BTG4: variants seen among roughly 807,000 people sequenced by gnomAD.
BTG4 encodes BTG anti-proliferation factor 4, also known as protein BTG4.
A neutral mutation model predicts 19.3 loss-of-function variants in BTG4; 10 were observed. The ratio of observed to expected loss-of-function variants is 0.52; its 90% CI spans 0.32 to 0.88. The LOEUF is 0.88. Ranked by LOEUF, BTG4 falls within the 40% of genes least tolerant of loss-of-function variation. The probability of loss-of-function intolerance (pLI) is 0.04; values close to 1 mark genes in which losing one functional copy is unlikely to be tolerated. For missense variants in BTG4, 238 were observed against 281.9 expected (o/e 0.84, Z 1.11); for synonymous variants, 91 against 95.7 (o/e 0.95, Z 0.29).
At chr11:111,412,652 C>T in the BTG4 span, among the ~76,000 whole-genome samples, 9 of 152,248 alleles carry the variant, frequency 5.9e-5, no homozygotes, top group African/African-American at 1.7e-4. Flanking sequence ...AACAGTCTTA[C>T]GAGGTTGGTA....
At chr11:111,429,545 A>G in the BTG4 span, among the ~76,000 whole-genome samples, 1 of 152,228 alleles carries the variant, frequency 6.6e-6, no homozygotes, top group East Asian at 1.9e-4. Flanking sequence ...ATAATTGGTA[A>G]ACAGATAAGG....
chr11:111,494,318 G>A (rs1865591262), downstream of BTG4, among the ~76,000 whole-genome samples: 1 of 152,174 alleles, frequency 6.6e-6, no homozygotes, highest in Non-Finnish European at 1.5e-5. Flanking sequence ...AGAACAAACA[G>A]CATGAGTAGG....
the BTG4 span, among the ~76,000 whole-genome samples, chr11:111,394,442 C>A: frequency 6.6e-6 from 1 of 152,176 alleles, no homozygotes; most frequent in Admixed American, 6.5e-5. Flanking sequence ...TAAGGGGAAA[C>A]CCCTTTTGCT....
chr11:111,495,042 T>C lies in BTG4; in HGVS notation c.*93A>G. On this transcript the variant is annotated 3_prime_UTR_variant, in exon 5 of 5. Coordinates refer to ENST00000692032, the MANE Select transcript of BTG4 (RefSeq NM_001367975.1). ...AGTCCCTAATATGGTCATTTTTTGT[T>C]TCATGGGCCTCTCAACCTTAAATTC... 7.3e-7 allele frequency: 1 copy of C among 1,373,764 alleles called. No individual in the cohort carries two copies. Among genetic ancestry groups the C allele is most frequent in the Non-Finnish European group, 9.4e-7 (1 of 1,065,816 alleles). The allele number at this position is 1,373,764 out of a possible 1,614,324, so 85.1% of individuals were successfully genotyped here.
intron 4 of BTG4, among the ~76,000 whole-genome samples, chr11:111,495,691 G>A (rs1275903458): frequency 6.6e-6 from 1 of 152,090 alleles, no homozygotes; most frequent in Non-Finnish European, 1.5e-5. Flanking sequence ...GGATACAGAT[G>A]TTTTACAGAT....
chr11:111,402,380 T>A, the BTG4 span, among the ~76,000 whole-genome samples: 1 of 152,232 alleles, frequency 6.6e-6, no homozygotes, highest in African/African-American at 2.4e-5. Context: ...TTATTACATG[T>A]TATTTTGTAT....
intron 5 of BTG4, among the ~76,000 whole-genome samples, chr11:111,489,323 C>A (rs1565457873): frequency 6.6e-6 from 1 of 152,170 alleles, no homozygotes; most frequent in Admixed American, 6.5e-5. Flanking sequence ...AACCCTCATA[C>A]ACCATTGGTG....
the BTG4 span, among the ~76,000 whole-genome samples, chr11:111,424,298 G>C: frequency 6.6e-6 from 1 of 152,192 alleles, no homozygotes; most frequent in Non-Finnish European, 1.5e-5. Context: ...AACTAGCCTG[G>C]GCTCTAGAGC....
the BTG4 span, among the ~76,000 whole-genome samples, chr11:111,405,290 A>C: frequency 1.1e-4 from 16 of 151,262 alleles, no homozygotes; most frequent in African/African-American, 3.9e-4. Context: ...TATAATCCCA[A>C]CTACTTGGGA....
intron 1 of BTG4, among the ~76,000 whole-genome samples, chr11:111,509,649 T>C (rs1040045037): frequency 4.6e-5 from 7 of 150,966 alleles, no homozygotes; most frequent in Non-Finnish European, 1.0e-4. Flanking sequence ...TGAGCCAAGA[T>C]CACGTCACTG....
chr11:111,387,521 C>T, the BTG4 span, among the ~76,000 whole-genome samples: 3 of 152,230 alleles, frequency 2.0e-5, no homozygotes, highest in Admixed American at 2.0e-4. Context: ...CTGTGTGTGA[C>T]AGCCTGGCCT....
At chr11:111,437,827 G>A in the BTG4 span, among the ~76,000 whole-genome samples, 1 of 152,166 alleles carries the variant, frequency 6.6e-6, no homozygotes, top group African/African-American at 2.4e-5. Flanking sequence ...TAGCTACTCA[G>A]CCTTCCTGGG....
chr11:111,501,849 C>A (rs1866103763), intron 1 of BTG4, among the ~76,000 whole-genome samples: 1 of 152,110 alleles, frequency 6.6e-6, no homozygotes, highest in Non-Finnish European at 1.5e-5. Context: ...GGTGGCTGAG[C>A]ATCTTGATAT....
chr11:111,413,619 C>T, the BTG4 span, among the ~76,000 whole-genome samples: 1 of 152,238 alleles, frequency 6.6e-6, no homozygotes, highest in African/African-American at 2.4e-5. Context: ...AACCAATTAC[C>T]TTCCATTCCA....
chr11:111,417,327 CCT>C, the BTG4 span: 1 of 152,356 alleles, frequency 6.6e-6, no homozygotes, highest in African/African-American at 2.4e-5. Context: ...CTTCCTGTCC[CCT>C]CTTTGCTGAT....
At chr11:111,455,172 T>G in the BTG4 span, 1 of 426,124 alleles carries the variant, frequency 2.3e-6, no homozygotes. Context: ...CTCCCTCCCT[T>G]AGCACCTCCC....
chr11:111,503,831 C>T (rs944936429), intron 1 of BTG4, among the ~76,000 whole-genome samples: 4 of 151,986 alleles, frequency 2.6e-5, no homozygotes, highest in Non-Finnish European at 5.9e-5. Flanking sequence ...AACTTGATGG[C>T]TAAGGAATAG....
At chr11:111,505,797 T>C (rs941743305) in intron 1 of BTG4, among the ~76,000 whole-genome samples, 4 of 151,910 alleles carry the variant, frequency 2.6e-5, no homozygotes, top group Middle Eastern at 3.4e-3. Flanking sequence ...AACAAACCAA[T>C]TGAAAATGGG....
the BTG4 span, among the ~76,000 whole-genome samples, chr11:111,384,308 C>A: frequency 2.8e-4 from 42 of 150,944 alleles, no homozygotes; most frequent in African/African-American, 1.0e-3. Context: ...ATGACAAATT[C>A]CTAAAATTAA....
Sources: gnomAD v4.1 joint callset for allele counts (sites outside exome capture counted in the v4.1 genomes callset) on GRCh38, gnomAD v4.1.1 for gene constraint, MANE v1.5 for transcripts, NCBI Gene and HGNC (gene_info 2026-07-23, HGNC 2026-07-21) for gene names.